ACOX3: variants seen among roughly 807,000 people sequenced by gnomAD.
ACOX3 encodes the protein peroxisomal acyl-coenzyme A oxidase 3.
In ACOX3, 73 loss-of-function variants were observed where a neutral mutation model predicts 81.5. The ratio of observed to expected loss-of-function variants is 0.90; its 90% CI spans 0.74 to 1.09. ACOX3 has a LOEUF of 1.09. ACOX3 is among the 50% of genes least tolerant of loss of function. The pLI, the probability that ACOX3 is intolerant of heterozygous loss-of-function variation, is 0.00. For synonymous variants in ACOX3, 387 were observed against 375.1 expected, an observed-to-expected ratio of 1.03 and a Z score of -0.37; for missense variants, 947 against 928.0, an observed-to-expected ratio of 1.02 and a Z score of -0.27.
At chr4:8,439,571 T>C (rs1264469515) in intron 1 of ACOX3, among the ~76,000 whole-genome samples, 1 of 152,244 alleles carries the variant, frequency 6.6e-6, no homozygotes, top group Non-Finnish European at 1.5e-5. Context: ...TAAGAAATAC[T>C]GTGTTGCTTG....
chr4:8,365,081 G>C (rs1715336551), downstream of ACOX3, among the ~76,000 whole-genome samples: 1 of 152,174 alleles, frequency 6.6e-6, no homozygotes, highest in African/African-American at 2.4e-5. Context: ...ACCCCTGGTG[G>C]AAATCTGCAT....
At position 8,440,599 on chromosome 4, in the gene ACOX3, C is replaced by T. The variant is rs1459746230; in HGVS notation, c.-15+49G>A. On this transcript the variant is annotated intron_variant, in intron 1 of 17. Coordinates refer to ENST00000356406, the MANE Select transcript of ACOX3 (RefSeq NM_003501.3). Reference sequence around the variant, plus strand: ...GATGTTTGATTCTGTAACTATACCACGCCCAGAATTCTCTCAAAAGGGAAT... The same window carrying T: ...GATGTTTGATTCTGTAACTATACCATGCCCAGAATTCTCTCAAAAGGGAAT... The T allele has an allele frequency of 9.9e-6, 5 of 507,538 alleles. No individual in the cohort carries two copies. In the East Asian group the frequency reaches 1.7e-4, roughly 18 times the overall value. The allele number at this position is 507,538 out of a possible 1,614,324, so 31.4% of individuals were successfully genotyped here.
rs1043023403 is a variant in ACOX3 at position 8,386,358 on chromosome 4, A to G, written c.1537+2815T>C. ...AAGGTGGGCGGATCACGAGGTCAGG[A>G]TATCGAGACCATCCTGCCTAACACG... On this transcript the variant is annotated intron_variant, in intron 13 of 17. Transcript: ENST00000356406. The surrounding 1 kb of genome is among the most constrained non-coding windows in gnomAD (Gnocchi z 5.2). Among the ~76,000 whole-genome samples, 1 of 152,044 alleles carries G rather than the reference A, an allele frequency of 6.6e-6. No individual in the cohort carries two copies. Among genetic ancestry groups the G allele is most frequent in the Admixed American group, 6.6e-5 (1 of 15,252 alleles).
intron 14 of ACOX3, among the ~76,000 whole-genome samples, chr4:8,378,517 T>C (rs1434829238): frequency 2.0e-5 from 3 of 151,734 alleles, no homozygotes; most frequent in South Asian, 2.1e-4. Flanking sequence ...CCACCACCCA[T>C]CTTTTTACTC....
chr4:8,373,540 G>A (rs1286850591), intron 16 of ACOX3, 21 bp downstream of exon 16: 9 of 1,613,396 alleles, frequency 5.6e-6, no homozygotes, highest in South Asian at 3.3e-5. Context: ...TGTAGAGAAC[G>A]CGACAGCACC....
rs76927457 is a variant in ACOX3, at chr4:8,376,569, C to T, written c.1654-1417G>A. Among the ~76,000 whole-genome samples, 1,220 of 152,258 alleles carry T rather than the reference C, an allele frequency of 8.0e-3. 17 individuals are homozygous for T. Among genetic ancestry groups the T allele is most frequent in the African/African-American group, 0.027 (1,128 of 41,554 alleles). On this transcript the variant is annotated intron_variant, in intron 14 of 17. Coordinates refer to ENST00000356406, the MANE Select transcript of ACOX3 (RefSeq NM_003501.3). ...TCAGGAGCCTCGGGAAAACAGAAAC[C>T]GGGAGAAGCGCCTTTCCCGCTGTGC...
chr4:8,377,116 C>T (rs1000049077), intron 14 of ACOX3, among the ~76,000 whole-genome samples: 4 of 152,164 alleles, frequency 2.6e-5, no homozygotes, highest in African/African-American at 9.6e-5. Flanking sequence ...CCTGCCCACA[C>T]CCCAAAACGT....
Position 8,423,104 on chromosome 4 carries a change from G to A in ACOX3, c.-14-6569C>T, listed in dbSNP as rs2140336. Among the ~76,000 whole-genome samples, 73,967 of 151,958 alleles carry A rather than the reference G, an allele frequency of 0.49. 18,112 individuals carry two copies. The highest frequency in any genetic ancestry group is 0.56 in the South Asian group (2,682 of 4,816). ...CACTGGCATGGCCTTCTCAGTCTTA[G>A]TCTCTGGTCCTGGACAACCGTCCTC... is the stretch of plus-strand genomic sequence containing the variant. On this transcript the variant is annotated intron_variant, in intron 1 of 17. Coordinates refer to ENST00000356406, the MANE Select transcript of ACOX3 (RefSeq NM_003501.3). This position sits in a 1 kb window ranked among gnomAD's most constrained non-coding sequence, Gnocchi z 4.2.
Position 8,407,025 on chromosome 4 carries a change from T to C in ACOX3, c.688-982A>G, listed in dbSNP as rs936078754. ...AGCAGGTGTTTTTCCTTGACACTTATGCTACCGCTAGACCACGGTCTGCTT... is the reference window on the plus strand; with the variant it reads ...AGCAGGTGTTTTTCCTTGACACTTACGCTACCGCTAGACCACGGTCTGCTT... On this transcript the variant is annotated intron_variant, in intron 6 of 17. Coordinates refer to ENST00000356406, the MANE Select transcript of ACOX3 (RefSeq NM_003501.3). This position sits in a 1 kb window ranked among gnomAD's most constrained non-coding sequence, Gnocchi z 4.6. Among the ~76,000 whole-genome samples the C allele has an allele frequency of 5.3e-5, 8 of 152,312 alleles. No homozygotes were observed. The highest frequency in any genetic ancestry group is 8.8e-5 in the Non-Finnish European group (6 of 68,016).
At position 8,415,615 on chromosome 4, in the gene ACOX3, A is replaced by G. The variant is rs915112613; in HGVS notation, c.378+151T>C. ...AAAAGGGGGACTGAAATTTTTTTAA[A>G]AACATTAAAAAAAAGATAATTTTTA... On this transcript the variant is annotated intron_variant, in intron 3 of 17. Coordinates refer to ENST00000356406, the MANE Select transcript of ACOX3 (RefSeq NM_003501.3). 4.5e-6 allele frequency: 3 copies of G among 668,180 alleles called. No homozygotes were observed. The East Asian group carries it at 8.5e-5, about 19-fold the overall frequency. 41.4% of individuals were successfully genotyped at this position (668,180 alleles called of 1,614,324 possible). A position where few individuals can be genotyped will look rare whatever the true frequency, so the allele number is the denominator to read the frequency against.
At chr4:8,417,256 C>T (rs965631351) in intron 1 of ACOX3, among the ~76,000 whole-genome samples, 8 of 152,326 alleles carry the variant, frequency 5.3e-5, no homozygotes, top group Admixed American at 1.3e-4. Context: ...GGGCGTGGGC[C>T]GCCCACCTTC....
At chr4:8,365,692 C>G (rs987778707), downstream of ACOX3, among the ~76,000 whole-genome samples, 1 of 152,178 alleles carries the variant, frequency 6.6e-6, no homozygotes, top group African/African-American at 2.4e-5. Context: ...AGGTGATCAT[C>G]AAAGAAGTCA....
intron 1 of ACOX3, among the ~76,000 whole-genome samples, chr4:8,426,500 G>A (rs1311828089): frequency 1.4e-5 from 2 of 147,418 alleles, no homozygotes; most frequent in Admixed American, 1.3e-4. Context: ...AGAGCTCCAT[G>A]GCCCCCCCCG....
intron 7 of ACOX3, among the ~76,000 whole-genome samples, chr4:8,401,748 C>T (rs1268447374): frequency 6.6e-6 from 1 of 152,136 alleles, no homozygotes; most frequent in Non-Finnish European, 1.5e-5. Flanking sequence ...GCCCCTCTAA[C>T]AGCATCACCG....
In ACOX3 at chr4:8,381,832, C is replaced by A. The variant is rs1315942511; in HGVS notation, c.1538-225G>T. Among the ~76,000 whole-genome samples, 1 of 151,790 alleles carries A rather than the reference C, an allele frequency of 6.6e-6. No individual in the cohort carries two copies. The highest frequency in any genetic ancestry group is 2.4e-5 in the African/African-American group (1 of 41,292). On this transcript the variant is annotated intron_variant, in intron 13 of 17. Coordinates refer to ENST00000356406, the MANE Select transcript of ACOX3 (RefSeq NM_003501.3). This position sits in a 1 kb window ranked among gnomAD's most constrained non-coding sequence, Gnocchi z 4.3. ...GGCTGGAGGCACTTCCTGGCTCAGC[C>A]CAGGGCTGTCCTGAGTTCTACACTG...
intron 1 of ACOX3, among the ~76,000 whole-genome samples, chr4:8,435,151 TAC>T (rs1394571428): frequency 6.6e-6 from 1 of 152,214 alleles, no homozygotes; most frequent in Non-Finnish European, 1.5e-5. Context: ...TGCAGGGGAT[TAC>T]AGAGGTTAAG....
intron 11 of ACOX3, among the ~76,000 whole-genome samples, chr4:8,390,911 A>G (rs2108861946): frequency 6.6e-6 from 1 of 152,336 alleles, no homozygotes; most frequent in Admixed American, 6.5e-5. Flanking sequence ...GCCACTGAAC[A>G]AGAGCTGGGA....
In ACOX3 at chr4:8,416,959, G is replaced by C. The variant is rs1327122760; in HGVS notation, c.-14-424C>G. 6.6e-6 allele frequency among the ~76,000 whole-genome samples: 1 copy of C among 152,238 alleles called. No individual in the cohort carries two copies. Among genetic ancestry groups the C allele is most frequent in the East Asian group, 1.9e-4 (1 of 5,194 alleles). On this transcript the variant is annotated intron_variant, in intron 1 of 17. Coordinates refer to ENST00000356406, the MANE Select transcript of ACOX3 (RefSeq NM_003501.3). This position sits in a 1 kb window ranked among gnomAD's most constrained non-coding sequence, Gnocchi z 4.2. Reference sequence around the variant, plus strand: ...TCTGGAATCCAGCCAGTGCCAGCTGGTCCACTCTGGCCACACACAATGGTA... The same window carrying C: ...TCTGGAATCCAGCCAGTGCCAGCTGCTCCACTCTGGCCACACACAATGGTA...
intron 14 of ACOX3, among the ~76,000 whole-genome samples, chr4:8,380,533 C>CTT (rs1316878695): frequency 2.6e-5 from 4 of 152,178 alleles, no homozygotes; most frequent in Non-Finnish European, 1.5e-5. Flanking sequence ...TCCTTCCTGC[C>CTT]TTCTCTCCTC....
Sources: gnomAD v4.1 joint callset for allele counts (sites outside exome capture counted in the v4.1 genomes callset) on GRCh38, gnomAD v4.1.1 for gene constraint, Gnocchi (gnomAD v3.1) non-coding constraint, MANE v1.5 for transcripts, NCBI Gene and HGNC (gene_info 2026-07-23, HGNC 2026-07-21) for gene names.